The following EXOC4 variants were observed in gnomAD, a reference collection of about 807,000 sequenced individuals.
EXOC4 encodes exocyst complex component 4.
A neutral mutation model predicts 107.2 loss-of-function variants in EXOC4; 71 were observed. That is an observed-to-expected ratio of 0.66 (90% CI 0.55 to 0.81). The LOEUF is 0.81. EXOC4 is among the 30% of genes least tolerant of loss of function. EXOC4 has a pLI of 0.00. For missense variants in EXOC4, 1,108 were observed against 1,189.6 expected (o/e 0.93, Z 1.01); for synonymous variants, 456 against 441.2 (o/e 1.03, Z -0.42).
chr7:133,446,946 G>T (rs1388789177), intron 7 of EXOC4, among the ~76,000 whole-genome samples: 1 of 152,182 alleles, frequency 6.6e-6, no homozygotes, highest in African/African-American at 2.4e-5. Flanking sequence ...ACCTGCTTCT[G>T]ATACTTTGCC....
At chr7:133,848,113 G>A (rs1198637550) in intron 11 of EXOC4, among the ~76,000 whole-genome samples, 3 of 151,960 alleles carry the variant, frequency 2.0e-5, no homozygotes, top group Non-Finnish European at 2.9e-5. Context: ...CAAGCCATAT[G>A]AGAGCCCCAC....
At chr7:133,495,924 A>G (rs1799468571) in intron 9 of EXOC4, among the ~76,000 whole-genome samples, 1 of 152,198 alleles carries the variant, frequency 6.6e-6, no homozygotes. Context: ...GTATGACAAT[A>G]TCAGTTGCTT....
At chr7:133,850,328 T>C (rs961074180) in intron 11 of EXOC4, among the ~76,000 whole-genome samples, 5 of 152,172 alleles carry the variant, frequency 3.3e-5, no homozygotes, top group Non-Finnish European at 5.9e-5. Flanking sequence ...CCAAAATATA[T>C]TCCTTGGGAT....
chr7:133,559,523 G>A (rs1160421703), intron 9 of EXOC4, among the ~76,000 whole-genome samples: 1 of 152,150 alleles, frequency 6.6e-6, no homozygotes, highest in Non-Finnish European at 1.5e-5. Flanking sequence ...GAAATGCACT[G>A]TGTTTCCCAA....
At position 133,875,333 on chromosome 7, in the gene EXOC4, A is replaced by G. The variant is rs573419921; in HGVS notation, c.1735-20266A>G. Among the ~76,000 whole-genome samples, 257 of 152,328 alleles carry G rather than the reference A, an allele frequency of 1.7e-3. 2 individuals carry two copies. The highest frequency in any genetic ancestry group is 1.5e-3 in the Non-Finnish European group (100 of 68,032). ...TTGTTTTTAGCAGGCGTGGAAACCT[A>G]TGCTAAAATAATTTCAGAAAGATAA... On this transcript the variant is annotated intron_variant, in intron 11 of 17. Transcript: ENST00000253861.
intron 11 of EXOC4, among the ~76,000 whole-genome samples, chr7:133,887,170 C>G (rs996261198): frequency 2.0e-5 from 3 of 152,182 alleles, no homozygotes; most frequent in African/African-American, 7.2e-5. Flanking sequence ...CCTTCCCCTC[C>G]AAATGCTATC....
chr7:133,844,538 C>T (rs796270237), intron 11 of EXOC4, among the ~76,000 whole-genome samples: 1 of 151,644 alleles, frequency 6.6e-6, no homozygotes, highest in Non-Finnish European at 1.5e-5. Context: ...TACAGGCATG[C>T]ACCACCACAC....
chr7:133,791,468 T>A (rs1796702290), intron 10 of EXOC4, among the ~76,000 whole-genome samples: 1 of 152,160 alleles, frequency 6.6e-6, no homozygotes, highest in Non-Finnish European at 1.5e-5. Flanking sequence ...TATTTGTTGG[T>A]TGGATGGTTG....
intron 9 of EXOC4, among the ~76,000 whole-genome samples, chr7:133,506,009 A>C (rs565629919): frequency 6.6e-6 from 1 of 152,304 alleles, no homozygotes; most frequent in African/African-American, 2.4e-5. Context: ...ATATGTAAAT[A>C]CTTTCAAATG....
At chr7:133,279,317 T>C (rs1794076579) in intron 2 of EXOC4, among the ~76,000 whole-genome samples, 1 of 152,172 alleles carries the variant, frequency 6.6e-6, no homozygotes, top group African/African-American at 2.4e-5. Flanking sequence ...TGATTTATAA[T>C]CCTTTGGGTA....
chr7:133,732,046 G>A (rs539153453), intron 10 of EXOC4, among the ~76,000 whole-genome samples: 1 of 152,246 alleles, frequency 6.6e-6, no homozygotes, highest in South Asian at 2.1e-4. Context: ...CAACCCTAAT[G>A]CCCATCAGTG....
chr7:133,310,754 T>C (rs533637222), intron 4 of EXOC4, among the ~76,000 whole-genome samples: 2 of 152,294 alleles, frequency 1.3e-5, no homozygotes, highest in East Asian at 3.9e-4. Context: ...CCTGCATCTT[T>C]CCTTTATCTC....
At chr7:133,658,370 C>T (rs879886355) in intron 10 of EXOC4, among the ~76,000 whole-genome samples, 1 of 152,126 alleles carries the variant, frequency 6.6e-6, no homozygotes, top group Admixed American at 6.5e-5. Context: ...TTAAGGATCC[C>T]AGCAGGTTAA....
chr7:133,944,182 G>A (rs1585267118), intron 14 of EXOC4, among the ~76,000 whole-genome samples: 1 of 151,924 alleles, frequency 6.6e-6, no homozygotes. Context: ...GTTTTTCCCT[G>A]ATCTTCTTTT....
intron 14 of EXOC4, among the ~76,000 whole-genome samples, chr7:133,979,378 G>A (rs1251217647): frequency 1.3e-5 from 2 of 152,004 alleles, no homozygotes; most frequent in African/African-American, 2.4e-5. Flanking sequence ...GGAAATAAAC[G>A]GCGGTCAGGA....
intron 17 of EXOC4, among the ~76,000 whole-genome samples, chr7:134,010,496 C>T (rs1241653931): frequency 5.3e-5 from 8 of 152,082 alleles, no homozygotes; most frequent in East Asian, 1.9e-4. Flanking sequence ...ATTTTTCCCC[C>T]GCTTCTTGTT....
chr7:133,307,953 A>G (rs1794790038), intron 4 of EXOC4, among the ~76,000 whole-genome samples: 6 of 152,222 alleles, frequency 3.9e-5, no homozygotes, highest in African/African-American at 1.2e-4. Context: ...CTTCCATGAA[A>G]ACAGTAACCG....
intron 10 of EXOC4, among the ~76,000 whole-genome samples, chr7:133,704,537 CA>C (rs1177351245): frequency 6.6e-6 from 1 of 152,166 alleles, no homozygotes; most frequent in African/African-American, 2.4e-5. Flanking sequence ...CACCACAGAG[CA>C]GAGAATAAGC....
chr7:133,602,142 TAAAC>T (rs1801823186), intron 9 of EXOC4: 1 of 152,248 alleles, frequency 6.6e-6, no homozygotes, highest in African/African-American at 2.4e-5. Flanking sequence ...TGTGATATCA[TAAAC>T]AAATTTGTAT....
Sources: allele counts gnomAD v4.1 joint callset (sites outside exome capture counted in the v4.1 genomes callset), GRCh38; gene constraint gnomAD v4.1.1; transcripts MANE v1.5; gene names NCBI Gene and HGNC (gene_info 2026-07-23, HGNC 2026-07-21).